Variants in KPNA4 observed in about 807,000 individuals in gnomAD.
KPNA4 encodes the protein karyopherin subunit alpha 4.
A neutral mutation model predicts 71.3 loss-of-function variants in KPNA4; 13 were observed. The ratio of observed to expected loss-of-function variants is 0.18; its 90% CI spans 0.12 to 0.29. The LOEUF (loss-of-function observed/expected upper bound fraction) is 0.29, where lower values mean the gene tolerates loss of function less well. KPNA4 is among the 10% of genes least tolerant of loss of function. KPNA4 has a pLI of 1.00. For missense variants in KPNA4, 334 were observed against 603.2 expected (o/e 0.55, Z 4.67); for synonymous variants, 189 against 195.2 (o/e 0.97, Z 0.26).
intron 1 of KPNA4, among the ~76,000 whole-genome samples, chr3:160,539,012 C>G (rs1006523562): frequency 3.9e-5 from 6 of 152,128 alleles, no homozygotes; most frequent in Non-Finnish European, 8.8e-5. Flanking sequence ...TAAACTGTCC[C>G]TGGTACACAG....
At chr3:160,554,505 A>T (rs1722097545) in intron 1 of KPNA4, among the ~76,000 whole-genome samples, 1 of 152,138 alleles carries the variant, frequency 6.6e-6, no homozygotes, top group Non-Finnish European at 1.5e-5. Context: ...AACTTCTAAA[A>T]TCCTTAAAAT....
intron 1 of KPNA4, among the ~76,000 whole-genome samples, chr3:160,563,112 A>G (rs1407796236): frequency 6.6e-6 from 1 of 152,230 alleles, no homozygotes; most frequent in Non-Finnish European, 1.5e-5. Context: ...AGTGGAAACA[A>G]TGAAAATGTT....
rs151061327 is a variant in KPNA4 at position 160,533,166 on chromosome 3, G to A, written c.288-1609C>T. On this transcript the variant is annotated intron_variant, in intron 5 of 16. Transcript: ENST00000334256. ...AGCCTCCCAAGTAGCTGGGATTACA[G>A]GCATGTGACACTACACCCAGCCAAC... 1.3e-3 allele frequency among the ~76,000 whole-genome samples: 200 copies of A among 152,168 alleles called. 1 individual carries two copies. Among genetic ancestry groups the A allele is most frequent in the African/African-American group, 4.5e-3 (187 of 41,542 alleles).
At chr3:160,522,003 C>T in intron 10 of KPNA4, 93 bp from the exon 11 acceptor site, 2 of 987,918 alleles carry the variant, frequency 2.0e-6, no homozygotes, top group East Asian at 2.6e-5. Context: ...TGTTCAACTA[C>T]CTTCTTCCTT....
intron 1 of KPNA4, among the ~76,000 whole-genome samples, chr3:160,555,868 G>A (rs1722126030): frequency 6.6e-6 from 1 of 151,786 alleles, no homozygotes; most frequent in Admixed American, 6.6e-5. Flanking sequence ...TTTTGCTTTT[G>A]TTGCCCAGGC....
chr3:160,561,423 C>G (rs1168011268), intron 1 of KPNA4, among the ~76,000 whole-genome samples: 1 of 151,756 alleles, frequency 6.6e-6, no homozygotes, highest in Non-Finnish European at 1.5e-5. Context: ...CAAACTAAGA[C>G]TGGGGATCTT....
At chr3:160,528,722 C>T (rs1216521028) in intron 7 of KPNA4, among the ~76,000 whole-genome samples, 1 of 152,104 alleles carries the variant, frequency 6.6e-6, no homozygotes, top group Non-Finnish European at 1.5e-5. Flanking sequence ...TTAAGACAGG[C>T]CAGTGATTCC....
chr3:160,502,041 C>T lies in KPNA4; in HGVS notation c.*63G>A, dbSNP rs1444736864. On this transcript the variant is annotated 3_prime_UTR_variant, in exon 17 of 17. Transcript: ENST00000334256. Reference sequence around the variant, plus strand: ...ATATATGTATATATATATATATATACACACACACATATATATATATATATC... The same window carrying T: ...ATATATGTATATATATATATATATATACACACACATATATATATATATATC... 97 of 430,926 alleles carry T rather than the reference C, an allele frequency of 2.3e-4. No homozygotes were observed. Among genetic ancestry groups the T allele is most frequent in the South Asian group, 3.1e-4 (7 of 22,312 alleles). 26.7% of individuals were successfully genotyped at this position (430,926 alleles called of 1,614,324 possible).
intron 1 of KPNA4, among the ~76,000 whole-genome samples, chr3:160,552,150 T>C (rs1377226060): frequency 2.6e-5 from 4 of 152,116 alleles, no homozygotes; most frequent in Non-Finnish European, 5.9e-5. Flanking sequence ...TGGAAAAATG[T>C]ACACATGAAA....
At chr3:160,545,317 G>T (rs139597415) in intron 1 of KPNA4, among the ~76,000 whole-genome samples, 2 of 152,324 alleles carry the variant, frequency 1.3e-5, no homozygotes, top group African/African-American at 4.8e-5. Context: ...ACAGATGTAT[G>T]CATGTGCATA....
intron 1 of KPNA4, 125 bp downstream of exon 1, chr3:160,565,089 G>T: frequency 1.3e-6 from 1 of 751,892 alleles, no homozygotes; most frequent in Non-Finnish European, 2.2e-6. Context: ...AGACGGGCCG[G>T]CCCCTAGCGC....
intron 11 of KPNA4, 74 bp from the exon 12 acceptor site, chr3:160,515,654 G>A (rs950550375): frequency 4.8e-5 from 73 of 1,527,606 alleles, no homozygotes; most frequent in African/African-American, 1.9e-4. Flanking sequence ...TTGCTCTGTC[G>A]CCCAGGGTAG....
At chr3:160,557,299 A>G (rs1722157029) in intron 1 of KPNA4, among the ~76,000 whole-genome samples, 1 of 152,212 alleles carries the variant, frequency 6.6e-6, no homozygotes, top group Non-Finnish European at 1.5e-5. Flanking sequence ...CTTTCGGGAT[A>G]AAACTACTCA....
chr3:160,538,618 C>T (rs1185689656), intron 1 of KPNA4, among the ~76,000 whole-genome samples: 3 of 152,130 alleles, frequency 2.0e-5, no homozygotes, highest in African/African-American at 4.8e-5. Flanking sequence ...GACTCTCACA[C>T]GCTCCACTTC....
At chr3:160,503,773 T>TA (rs1208339971) in intron 16 of KPNA4, among the ~76,000 whole-genome samples, 1 of 152,208 alleles carries the variant, frequency 6.6e-6, no homozygotes, top group Admixed American at 6.5e-5. Context: ...AGACATACGA[T>TA]CAAAGTTACT....
chr3:160,529,780 A>C (rs928003359), intron 7 of KPNA4, among the ~76,000 whole-genome samples: 1 of 151,936 alleles, frequency 6.6e-6, no homozygotes, highest in Non-Finnish European at 1.5e-5. Flanking sequence ...ATAACAATGA[A>C]AAAAAAATTC....
At chr3:160,557,170 TG>T (rs1722153838) in intron 1 of KPNA4, among the ~76,000 whole-genome samples, 1 of 152,196 alleles carries the variant, frequency 6.6e-6, no homozygotes, top group Non-Finnish European at 1.5e-5. Flanking sequence ...TTATCTTGCT[TG>T]TTTTTCTGGA....
rs918975977 is a variant in KPNA4, at chr3:160,497,656, T to C, written c.*4448A>G. 6.6e-6 allele frequency: 1 copy of C among 152,190 alleles called. No individual in the cohort carries two copies. Among genetic ancestry groups the C allele is most frequent in the Admixed American group, 6.5e-5 (1 of 15,278 alleles). 9.4% of individuals were successfully genotyped at this position (152,190 alleles called of 1,614,324 possible). ...GGCAAAATTTTTTCCTCCCATAATA[T>C]TAAATTATTGGCTGACAGTTAATGA... On this transcript the variant is annotated 3_prime_UTR_variant, in exon 17 of 17. Transcript: ENST00000334256.
At chr3:160,560,286 TA>T (rs1274767191) in intron 1 of KPNA4, among the ~76,000 whole-genome samples, 2 of 152,100 alleles carry the variant, frequency 1.3e-5, no homozygotes, top group Non-Finnish European at 2.9e-5. Flanking sequence ...GTTTCTTCTT[TA>T]AAATTTCTTC....
Sources: allele counts gnomAD v4.1 joint callset (sites outside exome capture counted in the v4.1 genomes callset), GRCh38; gene constraint gnomAD v4.1.1; transcripts MANE v1.5; gene names NCBI Gene and HGNC (gene_info 2026-07-23, HGNC 2026-07-21).